SYNE3: variants seen among roughly 807,000 people sequenced by gnomAD.
The protein encoded by SYNE3 is nesprin-3.
In SYNE3, 100 loss-of-function variants were observed where a neutral mutation model predicts 111.2. The observed-to-expected ratio is 0.90, with a 90% CI of 0.77 to 1.06. The LOEUF (loss-of-function observed/expected upper bound fraction) is 1.06. Ranked by LOEUF, SYNE3 falls within the 50% of genes least tolerant of loss-of-function variation. The probability of loss-of-function intolerance (pLI) is 0.00; values close to 1 mark genes in which losing one functional copy is unlikely to be tolerated. For missense variants in SYNE3, 1,160 were observed against 1,240.3 expected (o/e 0.94, Z 0.97); for synonymous variants, 547 against 533.9 (o/e 1.02, Z -0.34).
At chr14:95,433,651 G>A (rs923815911) in intron 15 of SYNE3, among the ~76,000 whole-genome samples, 3 of 152,214 alleles carry the variant, frequency 2.0e-5, no homozygotes, top group Admixed American at 6.5e-5. Context: ...ACCTCCAGTG[G>A]TCACTTCCAA....
At chr14:95,511,176 C>G (rs771244548) in intron 1 of SYNE3, among the ~76,000 whole-genome samples, 1 of 152,248 alleles carries the variant, frequency 6.6e-6, no homozygotes, top group Admixed American at 6.5e-5. Flanking sequence ...CTGCTTCCCC[C>G]ACTGGAAAAT....
In SYNE3 at chr14:95,446,094, G is replaced by A. The variant is rs373775092; in HGVS notation, c.1450-3C>T. On this transcript the variant is annotated splice_polypyrimidine_tract_variant and splice_region_variant and intron_variant, in intron 8 of 17. Transcript: ENST00000682763. Reference sequence around the variant, plus strand: ...CGGGAGCTTTCCATCAGGGCTGCCTGTGGGAGACAAGGCTTCCGTGAACCA... The same window carrying A: ...CGGGAGCTTTCCATCAGGGCTGCCTATGGGAGACAAGGCTTCCGTGAACCA... 304 of 1,613,856 alleles carry A rather than the reference G, an allele frequency of 1.9e-4. No homozygotes were observed. The highest frequency in any genetic ancestry group is 2.4e-4 in the Non-Finnish European group (286 of 1,179,952).
intron 1 of SYNE3, among the ~76,000 whole-genome samples, chr14:95,497,919 C>G (rs1199765970): frequency 6.6e-6 from 1 of 151,726 alleles, no homozygotes; most frequent in Non-Finnish European, 1.5e-5. Context: ...AATTAGAGAG[C>G]CTTAGTCAGA....
chr14:95,510,060 G>C (rs1452055721), intron 1 of SYNE3, among the ~76,000 whole-genome samples: 1 of 152,180 alleles, frequency 6.6e-6, no homozygotes, highest in Admixed American at 6.5e-5. Flanking sequence ...CTCCACTGCA[G>C]CTGTGACTCC....
At chr14:95,476,607 A>T (rs965323392) in intron 1 of SYNE3, among the ~76,000 whole-genome samples, 1 of 152,212 alleles carries the variant, frequency 6.6e-6, no homozygotes, top group Non-Finnish European at 1.5e-5. Context: ...TTCTCCTGTG[A>T]CTTTCTTAAA....
chr14:95,465,616 A>T (rs1385729406), intron 4 of SYNE3, among the ~76,000 whole-genome samples: 1 of 152,016 alleles, frequency 6.6e-6, no homozygotes, highest in African/African-American at 2.4e-5. Context: ...TAGATGGATG[A>T]GTGAGTCAAC....
intron 1 of SYNE3, among the ~76,000 whole-genome samples, chr14:95,503,579 G>A (rs1345673921): frequency 7.0e-6 from 1 of 143,826 alleles, no homozygotes; most frequent in African/African-American, 2.5e-5. Flanking sequence ...TTAAACAGTA[G>A]ACACGAGATT....
At chr14:95,439,256 C>T (rs1300376818) in intron 13 of SYNE3, 94 bp from the exon 14 acceptor site, 5 of 1,550,072 alleles carry the variant, frequency 3.2e-6, no homozygotes, top group Admixed American at 3.4e-5. Flanking sequence ...CCACGGGTCA[C>T]GAGTCAGTGC....
Position 95,414,050 on chromosome 14 carries a change from GA to G in SYNE3, c.*3775del, listed in dbSNP as rs1903500926. On this transcript the variant is annotated 3_prime_UTR_variant, in exon 18 of 18. Coordinates refer to ENST00000682763, the MANE Select transcript of SYNE3 (RefSeq NM_152592.6). ...TCAGAGCTGAGGGCAGTCCCTCAGG[GA>G]AACATTTGGATGCTCCGCTCTGGCC... 1 of 152,304 alleles carries G rather than the reference GA, an allele frequency of 6.6e-6. No individual in the cohort carries two copies. The highest frequency in any genetic ancestry group is 2.4e-5 in the African/African-American group (1 of 41,442). The allele number at this position is 152,304 out of a possible 1,614,324, so 9.4% of individuals were successfully genotyped here.
At chr14:95,462,190 G>A (rs45526637) in intron 4 of SYNE3, among the ~76,000 whole-genome samples, 2,683 of 152,252 alleles carry the variant, frequency 0.018, 44 homozygotes, top group Non-Finnish European at 0.027. Flanking sequence ...AGATCAAAGA[G>A]GCTGCAGGGG....
intron 1 of SYNE3, chr14:95,516,229 G>C (rs1272932431): frequency 6.6e-6 from 1 of 152,280 alleles, no homozygotes; most frequent in African/African-American, 2.4e-5. Flanking sequence ...AGGTCAGCCC[G>C]CCCCTAGGGG....
intron 2 of SYNE3, among the ~76,000 whole-genome samples, chr14:95,474,765 A>C (rs1354974499): frequency 2.0e-5 from 3 of 152,234 alleles, no homozygotes; most frequent in African/African-American, 7.2e-5. Context: ...GACAGCACAC[A>C]CAAAGGAAAC....
intron 1 of SYNE3, among the ~76,000 whole-genome samples, chr14:95,491,454 G>T (rs1203681641): frequency 6.6e-6 from 1 of 152,106 alleles, no homozygotes; most frequent in Non-Finnish European, 1.5e-5. Flanking sequence ...TTCAACAAGG[G>T]TGCCAAGACA....
In SYNE3 at chr14:95,444,487, G is replaced by T. The variant is rs141984619; in HGVS notation, c.1774C>A (p.Gln592Lys). The T allele has an allele frequency of 6.2e-7, 1 of 1,609,190 alleles. No homozygotes were observed. The highest frequency in any genetic ancestry group is 8.5e-7 in the Non-Finnish European group (1 of 1,177,322). Residue 592 changes from glutamine to lysine, a missense_variant and splice_region_variant, in exon 10 of 18, where the codon CAG becomes AAG. Transcript: ENST00000682763. ...PGKQAQLSRL[Q>K]GLQEEGLDLG... Reference sequence around the variant, plus strand: ...TTCAGGCCTCACAGACCCCTCACCTGCAACCTTGAGAGCTGGGCCTGTTTT... The same window carrying T: ...TTCAGGCCTCACAGACCCCTCACCTTCAACCTTGAGAGCTGGGCCTGTTTT...
rs1903340889 is a variant in SYNE3 at position 95,408,435 on chromosome 14, C to T, written c.*9391G>A. Reference sequence around the variant, plus strand: ...AAGAGGGCATCGTGTCTAAACCAGCCCAAGGAAATTCCCAGATGACACAGA... The same window carrying T: ...AAGAGGGCATCGTGTCTAAACCAGCTCAAGGAAATTCCCAGATGACACAGA... On this transcript the variant is annotated 3_prime_UTR_variant, in exon 18 of 18. Transcript: ENST00000682763. The T allele has an allele frequency of 6.6e-6, 1 of 152,364 alleles. No individual in the cohort carries two copies. Among genetic ancestry groups the T allele is most frequent in the Non-Finnish European group, 1.5e-5 (1 of 68,096 alleles). The allele number at this position is 152,364 out of a possible 1,614,324, so 9.4% of individuals were successfully genotyped here.
chr14:95,443,399 C>T, intron 10 of SYNE3, 110 bp from the exon 11 acceptor site: 1 of 1,400,202 alleles, frequency 7.1e-7, no homozygotes, highest in African/African-American at 1.4e-5. Flanking sequence ...GGTGAATTCC[C>T]CAAGGCGGTG....
chr14:95,432,157 A>G lies in SYNE3; in HGVS notation c.2689-40T>C, dbSNP rs761810810. Reference sequence around the variant, plus strand: ...AAGGAGAGGAAAAGGGGGGAAAAAAATAAGTTAAGTGAGTGAAACTTAAAT... The same window carrying G: ...AAGGAGAGGAAAAGGGGGGAAAAAAGTAAGTTAAGTGAGTGAAACTTAAAT... On this transcript the variant is annotated intron_variant, in intron 16 of 17. Transcript: ENST00000682763. 2.3e-5 allele frequency: 36 copies of G among 1,596,530 alleles called. 1 individual carries two copies. The highest frequency in any genetic ancestry group is 2.9e-5 in the Non-Finnish European group (34 of 1,169,364).
At chr14:95,482,674 G>A (rs1889330519) in intron 1 of SYNE3, among the ~76,000 whole-genome samples, 1 of 152,136 alleles carries the variant, frequency 6.6e-6, no homozygotes, top group Non-Finnish European at 1.5e-5. Context: ...GAGACTCGGA[G>A]ACACAAACAG....
rs775243365 is a variant in SYNE3 at position 95,433,378 on chromosome 14, T to G, written c.2570A>C (p.His857Pro). The change falls in exon 16 of 18, where the codon CAT becomes CCT. Residue 857 changes from histidine (H) to proline (P), a missense_variant. Physicochemically the swap from His to Pro is moderately conservative, Grantham distance 77. Coordinates refer to ENST00000682763, the MANE Select transcript of SYNE3 (RefSeq NM_152592.6). ...GAGACGAAGGAGGTTCTCAAAGAGA[T>G]GCTGACCTTCTGGCACCCGAGCCTC... The part of the protein sequence containing the change: ...ELEARVPEGQ[H>P]LFENLLRLGP... The G allele has an allele frequency of 5.6e-6, 9 of 1,614,136 alleles. No homozygotes were observed. The South Asian group carries it at 9.9e-5, about 18-fold the overall frequency.
Sources: allele counts gnomAD v4.1 joint callset (sites outside exome capture counted in the v4.1 genomes callset), GRCh38; gene constraint gnomAD v4.1.1; transcripts MANE v1.5; gene names NCBI Gene and HGNC (gene_info 2026-07-23, HGNC 2026-07-21).